Variants in CTDP1 observed in about 807,000 individuals in gnomAD.
The protein encoded by CTDP1 is RNA polymerase II subunit A C-terminal domain phosphatase.
A neutral mutation model predicts 91.8 loss-of-function variants in CTDP1; 47 were observed. That is an observed-to-expected ratio of 0.51 (90% CI 0.41 to 0.65). CTDP1 has a LOEUF of 0.65. Ranked by LOEUF, CTDP1 falls within the 30% of genes least tolerant of loss-of-function variation. CTDP1 has a pLI of 0.00. For missense variants in CTDP1, 1,272 were observed against 1,373.7 expected (o/e 0.93, Z 1.17); for synonymous variants, 656 against 598.5 (o/e 1.10, Z -1.40).
chr18:79,707,176 T>A (rs2085983759), intron 5 of CTDP1, among the ~76,000 whole-genome samples: 1 of 152,082 alleles, frequency 6.6e-6, no homozygotes, highest in Non-Finnish European at 1.5e-5. Flanking sequence ...AAGCAGAGGG[T>A]CCCAGGTTTT....
chr18:79,687,221 C>G (rs58875522), intron 1 of CTDP1, among the ~76,000 whole-genome samples: 4,044 of 131,048 alleles, frequency 0.031, 87 homozygotes, highest in South Asian at 0.087. Context: ...CTCCAGTTCA[C>G]TGGTGGGCAT....
At chr18:79,714,366 G>A (rs1322015555) in intron 7 of CTDP1, 125 bp from the exon 8 acceptor site, 2 of 1,106,824 alleles carry the variant, frequency 1.8e-6, no homozygotes, top group Non-Finnish European at 2.7e-6. Flanking sequence ...CAGCAAGGTT[G>A]CCAAGGCCTG....
At chr18:79,731,242 G>T (rs1043398096) in intron 11 of CTDP1, among the ~76,000 whole-genome samples, 5 of 152,232 alleles carry the variant, frequency 3.3e-5, no homozygotes, top group Admixed American at 1.3e-4. Flanking sequence ...CCGTCAGGGG[G>T]CCTTTGAGTG....
rs375526084 is a variant in CTDP1 at position 79,717,835 on chromosome 18, G to A, written c.2236G>A (p.Asp746Asn). 6.8e-6 allele frequency: 11 copies of A among 1,613,516 alleles called. No homozygotes were observed. The African/African-American group carries it at 9.3e-5, about 14-fold the overall frequency. Residue 746 changes from aspartate to asparagine, a missense_variant, in exon 10 of 13, where the codon GAC becomes AAC. Coordinates refer to ENST00000613122, the MANE Select transcript of CTDP1 (RefSeq NM_004715.5). ...QRENSPAAFP[D>N]REGVPPTALF... Reference sequence around the variant, plus strand: ...GGAGAACAGCCCTGCGGCCTTTCCCGACCGGGAGGGTGTGCCCCCCACCGC... The same window carrying A: ...GGAGAACAGCCCTGCGGCCTTTCCCAACCGGGAGGGTGTGCCCCCCACCGC...
At chr18:79,737,444 C>T (rs934357028) in intron 12 of CTDP1, among the ~76,000 whole-genome samples, 4 of 152,100 alleles carry the variant, frequency 2.6e-5, no homozygotes, top group Non-Finnish European at 5.9e-5. Flanking sequence ...TAGCTTTTTT[C>T]CCAGATGATT....
At position 79,690,937 on chromosome 18, in the gene CTDP1, G is replaced by T. The variant is rs373588412; in HGVS notation, c.315-4288G>T. Among the ~76,000 whole-genome samples, 55 of 152,338 alleles carry T rather than the reference G, an allele frequency of 3.6e-4. No homozygotes were observed. In the South Asian group the frequency reaches 0.011, roughly 31 times the overall value. Reference sequence around the variant, plus strand: ...TCTACGAAGGCCTGTGTTTGGTCACGTTGCTGGAAGCCTGCGGAGTGCTGC... The same window carrying T: ...TCTACGAAGGCCTGTGTTTGGTCACTTTGCTGGAAGCCTGCGGAGTGCTGC... On this transcript the variant is annotated intron_variant, in intron 1 of 12. Coordinates refer to ENST00000613122, the MANE Select transcript of CTDP1 (RefSeq NM_004715.5).
At chr18:79,752,138 C>T (rs570324563) in intron 12 of CTDP1, among the ~76,000 whole-genome samples, 1 of 152,364 alleles carries the variant, frequency 6.6e-6, no homozygotes, top group Non-Finnish European at 1.5e-5. Context: ...CCGATCAAGT[C>T]GGCTCACGTC....
At chr18:79,714,126 T>C (rs2086143324) in intron 7 of CTDP1, among the ~76,000 whole-genome samples, 1 of 152,112 alleles carries the variant, frequency 6.6e-6, no homozygotes, top group Admixed American at 6.5e-5. Flanking sequence ...AAACCTCTAG[T>C]TGTCCTTACA....
chr18:79,720,052 CGTCCTGGTGATGATGTCACCTCCCATCGT>C (rs1240947244), intron 10 of CTDP1, among the ~76,000 whole-genome samples: 22 of 114,404 alleles, frequency 1.9e-4, no homozygotes, highest in Non-Finnish European at 3.4e-4. Flanking sequence ...ATTAGGAAGG[CGTCCTGGTGATGATGTCACCTCCCATCGT>C]GTCCTGGTGA....
rs2085933277 is a variant in CTDP1, at chr18:79,704,803, A to G, written c.658A>G (p.Met220Val). Residue 220 changes from methionine (M) to valine (V), a missense_variant, in exon 5 of 13, where the codon ATG (methionine) becomes GTG (valine). Physicochemically the swap from Met to Val is conservative, Grantham distance 21. This residue lies in a region of CTDP1 where 177 missense variants were observed against 283.0 expected (regional missense o/e 0.63). Coordinates refer to ENST00000613122, the MANE Select transcript of CTDP1 (RefSeq NM_004715.5). Reference sequence around the variant, plus strand: ...CTTCCAGCTGGGCCGGGGTGAGCCCATGCTGCACACGCGCCTGCGTCCACA... The same window carrying G: ...CTTCCAGCTGGGCCGGGGTGAGCCCGTGCTGCACACGCGCCTGCGTCCACA... ...FHFQLGRGEP[M>V]LHTRLRPHCK... The G allele has an allele frequency of 6.2e-7, 1 of 1,613,868 alleles. No individual in the cohort carries two copies. Among genetic ancestry groups the G allele is most frequent in the Non-Finnish European group, 8.5e-7 (1 of 1,180,038 alleles).
At chr18:79,702,307 A>G (rs2085876494) in intron 4 of CTDP1, among the ~76,000 whole-genome samples, 1 of 152,238 alleles carries the variant, frequency 6.6e-6, no homozygotes, top group African/African-American at 2.4e-5. Context: ...GCCGACAGAA[A>G]GACTATGACT....
At chr18:79,724,460 C>T (rs1375709920) in intron 10 of CTDP1, among the ~76,000 whole-genome samples, 1 of 152,172 alleles carries the variant, frequency 6.6e-6, no homozygotes, top group Non-Finnish European at 1.5e-5. Context: ...ACCCAGGTGG[C>T]GTGGCCAGTG....
At chr18:79,721,672 G>A (rs534742093) in intron 10 of CTDP1, among the ~76,000 whole-genome samples, 2 of 152,016 alleles carry the variant, frequency 1.3e-5, no homozygotes, top group Admixed American at 6.6e-5. Context: ...AGGATCTCTC[G>A]AGCTCAGGAG....
chr18:79,718,528 G>A (rs145566687), intron 10 of CTDP1, among the ~76,000 whole-genome samples: 112 of 152,274 alleles, frequency 7.4e-4, no homozygotes, highest in African/African-American at 2.4e-3. Context: ...ACTGGAAGGC[G>A]TTGGTAGCCG....
intron 12 of CTDP1, among the ~76,000 whole-genome samples, chr18:79,746,485 C>G (rs114910264): frequency 6.6e-6 from 1 of 152,368 alleles, no homozygotes; most frequent in East Asian, 1.9e-4. Context: ...ACATAGCACG[C>G]GGAGTTTTGG....
At chr18:79,747,738 T>G (rs2086909670) in intron 12 of CTDP1, among the ~76,000 whole-genome samples, 1 of 152,074 alleles carries the variant, frequency 6.6e-6, no homozygotes, top group Non-Finnish European at 1.5e-5. Context: ...CGGCACGGGT[T>G]TTTTAGTGAC....
chr18:79,705,039 G>C (rs2122560721), intron 5 of CTDP1, 122 bp downstream of exon 5: 6 of 1,479,678 alleles, frequency 4.1e-6, no homozygotes, highest in South Asian at 1.2e-5. Context: ...GTAGTCTTAG[G>C]GTTGGCCGTT....
At chr18:79,744,252 T>G (rs957941160) in intron 12 of CTDP1, among the ~76,000 whole-genome samples, 1 of 152,108 alleles carries the variant, frequency 6.6e-6, no homozygotes, top group African/African-American at 2.4e-5. Context: ...CCCGACCACC[T>G]CAGGCACATG....
At chr18:79,719,041 C>T (rs1192925556) in intron 10 of CTDP1, among the ~76,000 whole-genome samples, 1 of 152,196 alleles carries the variant, frequency 6.6e-6, no homozygotes, top group Non-Finnish European at 1.5e-5. Context: ...GTGGCCAGGG[C>T]GTGGCCTTCG....
Sources: allele counts gnomAD v4.1 joint callset (sites outside exome capture counted in the v4.1 genomes callset), GRCh38; gene constraint gnomAD v4.1.1; regional missense constraint gnomAD v4.1.1; transcripts MANE v1.5; gene names NCBI Gene and HGNC (gene_info 2026-07-23, HGNC 2026-07-21).